HECA: variants seen among roughly 807,000 people sequenced by gnomAD.
HECA encodes headcase protein homolog.
Under a neutral mutation model 37.6 loss-of-function variants are expected in HECA, and 13 were observed. That is an observed-to-expected ratio of 0.35 (90% CI 0.23 to 0.55). HECA has a LOEUF of 0.55. HECA is among the 20% of genes least tolerant of loss of function. The probability of loss-of-function intolerance (pLI) is 0.90; values close to 1 mark genes in which losing one functional copy is unlikely to be tolerated. For synonymous variants in HECA, 307 were observed against 291.5 expected (o/e 1.05, Z -0.54); for missense variants, 527 against 701.9 (o/e 0.75, Z 2.82).
rs1335158462 is a variant in HECA, at chr6:139,135,099, A to T, written c.-298A>T. 1 of 155,732 alleles carries T rather than the reference A, an allele frequency of 6.4e-6. No homozygotes were observed. Among genetic ancestry groups the T allele is most frequent in the Non-Finnish European group, 1.4e-5 (1 of 70,510 alleles). The allele number at this position is 155,732 out of a possible 1,614,324, so 9.6% of individuals were successfully genotyped here. On this transcript the variant is annotated 5_prime_UTR_variant, in exon 1 of 4. Transcript: ENST00000367658. The stretch of plus-strand genomic sequence containing the variant: ...CGTGTCAGTGCAGCCGAATCAAAAC[A>T]AGCCGGAGACCCGCCTTTTCCCTCC...
intron 1 of HECA, among the ~76,000 whole-genome samples, chr6:139,138,298 C>T (rs1419903368): frequency 6.6e-6 from 1 of 151,982 alleles, no homozygotes; most frequent in African/African-American, 2.4e-5. Flanking sequence ...AAGTTATTAT[C>T]GGTAGTAGTT....
At chr6:139,149,871 G>A (rs1774630985) in intron 1 of HECA, among the ~76,000 whole-genome samples, 2 of 152,148 alleles carry the variant, frequency 1.3e-5, no homozygotes, top group Non-Finnish European at 2.9e-5. Flanking sequence ...GGATTCTTTT[G>A]TTGTGATCTG....
intron 1 of HECA, among the ~76,000 whole-genome samples, chr6:139,146,321 ATACT>A (rs1774582991): frequency 6.6e-6 from 1 of 152,222 alleles, no homozygotes; most frequent in Non-Finnish European, 1.5e-5. Context: ...AGGTTTGATT[ATACT>A]TTAGATCATG....
intron 1 of HECA, among the ~76,000 whole-genome samples, chr6:139,141,302 A>T (rs764491391): frequency 6.6e-6 from 1 of 152,184 alleles, no homozygotes; most frequent in African/African-American, 2.4e-5. Context: ...TTAAAAGTAC[A>T]TATATAGTTT....
At chr6:139,167,423 G>GT (rs1348830386) in intron 2 of HECA, 99 bp downstream of exon 2, 5 of 1,045,486 alleles carry the variant, frequency 4.8e-6, no homozygotes, top group Non-Finnish European at 6.9e-6. Flanking sequence ...CACCAGTGTT[G>GT]TTTTTTTGTT....
Position 139,135,586 on chromosome 6 carries a change from GC to G in HECA, c.191del (p.Ala64GlyfsTer35). 1 of 945,716 alleles carries G rather than the reference GC, an allele frequency of 1.1e-6. No homozygotes were observed. The highest frequency in any genetic ancestry group is 1.3e-6 in the Non-Finnish European group (1 of 797,704). The allele number at this position is 945,716 out of a possible 1,614,324, so 58.6% of individuals were successfully genotyped here. ...GGGCGCGCCGGGCGCCGGAGGCGCG[GC>G]GGGCGCCGGAGGCGCGGGGACTGGC... ...AAGAPGAGGA[A>X]GAGGAGTGAA... On this transcript the variant is annotated frameshift_variant, in exon 1 of 4. Transcript: ENST00000367658. LOFTEE classifies it high-confidence loss of function.
intron 1 of HECA, among the ~76,000 whole-genome samples, chr6:139,156,133 A>G (rs1366856028): frequency 1.5e-5 from 2 of 136,480 alleles, no homozygotes; most frequent in Non-Finnish European, 3.1e-5. Context: ...AACTTCTGTA[A>G]GGATTTTGGT....
chr6:139,140,289 G>A (rs1334078289), intron 1 of HECA, among the ~76,000 whole-genome samples: 1 of 152,184 alleles, frequency 6.6e-6, no homozygotes, highest in East Asian at 1.9e-4. Context: ...AAGGTATATA[G>A]GTTACCATTA....
At position 139,178,012 on chromosome 6, in the gene HECA, G is replaced by T. The variant is rs943481164; in HGVS notation, c.*907G>T. 1 of 152,164 alleles carries T rather than the reference G, an allele frequency of 6.6e-6. No individual in the cohort carries two copies. The highest frequency in any genetic ancestry group is 2.1e-4 in the South Asian group (1 of 4,832). The allele number at this position is 152,164 out of a possible 1,614,324, so 9.4% of individuals were successfully genotyped here. A position where few individuals can be genotyped will look rare whatever the true frequency, so the allele number is the denominator to read the frequency against. On this transcript the variant is annotated 3_prime_UTR_variant, in exon 4 of 4. Coordinates refer to ENST00000367658, the MANE Select transcript of HECA (RefSeq NM_016217.3). ...AGAACCAATAATTGCCACATTTATT[G>T]TCCTCAAAATTGCTTATGGCCATGT...
chr6:139,160,659 C>T (rs751684359), intron 1 of HECA, among the ~76,000 whole-genome samples: 1 of 152,198 alleles, frequency 6.6e-6, no homozygotes, highest in Non-Finnish European at 1.5e-5. Flanking sequence ...AAGTGATTCT[C>T]TGGCCTCAGC....
intron 1 of HECA, among the ~76,000 whole-genome samples, chr6:139,156,863 G>A (rs1316238650): frequency 3.3e-5 from 5 of 152,202 alleles, no homozygotes; most frequent in Non-Finnish European, 7.3e-5. Context: ...CCATGCTAGG[G>A]AAAGATGGAT....
intron 1 of HECA, among the ~76,000 whole-genome samples, chr6:139,163,057 C>A (rs1774829469): frequency 6.6e-6 from 1 of 152,188 alleles, no homozygotes; most frequent in Admixed American, 6.5e-5. Context: ...TGGAGCTGTT[C>A]TCCGTGAGGA....
At chr6:139,166,138 G>A in intron 1 of HECA, 146 bp from the exon 2 acceptor site, 1 of 665,442 alleles carries the variant, frequency 1.5e-6, no homozygotes, top group Non-Finnish European at 2.6e-6. Context: ...TGGTTCACTG[G>A]AGTGATTCAT....
chr6:139,179,941 T>A lies in HECA; in HGVS notation c.*2836T>A, dbSNP rs1447997463. 6.6e-6 allele frequency: 1 copy of A among 152,236 alleles called. No homozygotes were observed. The highest frequency in any genetic ancestry group is 2.4e-5 in the African/African-American group (1 of 41,450). The allele number at this position is 152,236 out of a possible 1,614,324, so 9.4% of individuals were successfully genotyped here. On this transcript the variant is annotated 3_prime_UTR_variant, in exon 4 of 4. Transcript: ENST00000367658. ...TTTTAATTATTTATTTTTAAGAGTT[T>A]TATACCTTGAGCAGATACAATGATC...
At chr6:139,170,780 T>G (rs1774961969) in intron 2 of HECA, among the ~76,000 whole-genome samples, 1 of 152,068 alleles carries the variant, frequency 6.6e-6, no homozygotes, top group African/African-American at 2.4e-5. Context: ...ATTTTCAGTG[T>G]TTTTTTAAAG....
At chr6:139,158,632 C>G (rs934108257) in intron 1 of HECA, among the ~76,000 whole-genome samples, 27 of 144,442 alleles carry the variant, frequency 1.9e-4, no homozygotes, top group African/African-American at 6.5e-4. Flanking sequence ...GACCATGCCA[C>G]TGTACTCCGG....
Position 139,174,493 on chromosome 6 carries a change from G to A in HECA, c.1421G>A (p.Gly474Asp). The change falls in exon 3 of 4, where the codon GGC becomes GAC. Residue 474 changes from glycine (G) to aspartate (D), a missense_variant. Physicochemically the swap from Gly to Asp is moderately conservative, Grantham distance 94. Transcript: ENST00000367658. ...SRWDGSWHQL[G>D]TMYTYDILAA... ...TGGGATGGCAGCTGGCACCAGCTGG[G>A]CACTATGTACACCTACGACATCCTG... 6.2e-7 allele frequency: 1 copy of A among 1,614,008 alleles called. No homozygotes were observed.
rs1412729694 is a variant in HECA at position 139,179,823 on chromosome 6, A to G, written c.*2718A>G. ...GGATATTAGTTACCCAAGAGATCCA[A>G]TTTGTTTTTCTGATGAATAGTGTTC... On this transcript the variant is annotated 3_prime_UTR_variant, in exon 4 of 4. Coordinates refer to ENST00000367658, the MANE Select transcript of HECA (RefSeq NM_016217.3). The G allele has an allele frequency of 1.3e-5, 2 of 152,208 alleles. No homozygotes were observed. Among genetic ancestry groups the G allele is most frequent in the Admixed American group, 1.3e-4 (2 of 15,278 alleles). 9.4% of individuals were successfully genotyped at this position (152,208 alleles called of 1,614,324 possible).
chr6:139,143,718 G>A (rs964293283), intron 1 of HECA, among the ~76,000 whole-genome samples: 132 of 151,986 alleles, frequency 8.7e-4, no homozygotes, highest in Non-Finnish European at 7.2e-4. Flanking sequence ...ATAATTAGCT[G>A]GATGTGGTGG....
Sources: allele counts gnomAD v4.1 joint callset (sites outside exome capture counted in the v4.1 genomes callset), GRCh38; gene constraint gnomAD v4.1.1; transcripts MANE v1.5; gene names NCBI Gene and HGNC (gene_info 2026-07-23, HGNC 2026-07-21).